Variants in GRHL2 observed in about 807,000 individuals in gnomAD.
The protein encoded by GRHL2 is grainyhead-like protein 2 homolog.
A neutral mutation model predicts 83.8 loss-of-function variants in GRHL2; 21 were observed. The observed-to-expected ratio is 0.25, with a 90% CI of 0.18 to 0.36. The LOEUF is 0.36. Ranked by LOEUF, GRHL2 falls within the 10% of genes least tolerant of loss-of-function variation. GRHL2 has a pLI of 1.00. For synonymous variants in GRHL2, 280 were observed against 278.9 expected, an observed-to-expected ratio of 1.00 and a Z score of -0.04; for missense variants, 623 against 781.8, an observed-to-expected ratio of 0.80 and a Z score of 2.42.
intron 13 of GRHL2, among the ~76,000 whole-genome samples, chr8:101,648,924 T>C (rs935451723): frequency 6.6e-6 from 1 of 152,154 alleles, no homozygotes; most frequent in Non-Finnish European, 1.5e-5. Context: ...TCCATAACCC[T>C]GTGTCTAGTT....
intron 1 of GRHL2, among the ~76,000 whole-genome samples, chr8:101,508,850 AG>A (rs1271410888): frequency 6.6e-6 from 1 of 152,198 alleles, no homozygotes; most frequent in Non-Finnish European, 1.5e-5. Flanking sequence ...TGAGACAGTT[AG>A]GTCAAGGTTT....
At chr8:101,579,140 C>T (rs1194436824) in intron 7 of GRHL2, among the ~76,000 whole-genome samples, 1 of 152,178 alleles carries the variant, frequency 6.6e-6, no homozygotes, top group African/African-American at 2.4e-5. Flanking sequence ...GGATACTTGC[C>T]TTAACCTGTT....
intron 11 of GRHL2, among the ~76,000 whole-genome samples, chr8:101,636,454 G>A (rs545438371): frequency 4.9e-4 from 75 of 152,186 alleles, no homozygotes; most frequent in African/African-American, 1.8e-3. Context: ...CCCGCATTTG[G>A]TCCACAGACA....
rs1030318268 is a variant in GRHL2, at chr8:101,508,979, A to G, written c.20+16190A>G. Among the ~76,000 whole-genome samples, 3 of 152,126 alleles carry G rather than the reference A, an allele frequency of 2.0e-5. No individual in the cohort carries two copies. The East Asian group carries it at 5.8e-4, about 29-fold the overall frequency. On this transcript the variant is annotated intron_variant, in intron 1 of 15. Transcript: ENST00000646743. The stretch of plus-strand genomic sequence containing the variant: ...AGGCAGGTCCAGAATGAGGCAAGAC[A>G]GTGTGAGTCTTCAAATTTTGTACTT...
At position 101,573,806 on chromosome 8, in the gene GRHL2, C is replaced by T. The variant is rs771529678; in HGVS notation, c.873C>T (p.His291=). The T allele has an allele frequency of 1.2e-6, 2 of 1,614,178 alleles. No homozygotes were observed. The highest frequency in any genetic ancestry group is 8.5e-7 in the Non-Finnish European group (1 of 1,180,044). Residue 291 remains histidine (H), a synonymous_variant, in exon 6 of 16, where the codon CAC becomes CAT. Coordinates refer to ENST00000646743, the MANE Select transcript of GRHL2 (RefSeq NM_024915.4). ...SETGDNKCFR[H]PISKVRSVVM... ...CCGGAGACAACAAATGCTTCCGACA[C>T]CCCATCAGCAAAGTCAGGGTAGGGG... is the stretch of plus-strand genomic sequence containing the variant.
intron 12 of GRHL2, among the ~76,000 whole-genome samples, chr8:101,638,977 G>C (rs139563720): frequency 1.6e-3 from 249 of 152,312 alleles, no homozygotes; most frequent in African/African-American, 5.7e-3. Context: ...TGAGCATCTT[G>C]CGTAAGATCT....
the GRHL2 span, among the ~76,000 whole-genome samples, chr8:101,680,121 A>T: frequency 5.0e-5 from 6 of 119,138 alleles, no homozygotes; most frequent in Admixed American, 1.8e-4. Flanking sequence ...ATTAAAAGAC[A>T]CAGACTGGCA....
intron 9 of GRHL2, among the ~76,000 whole-genome samples, chr8:101,629,353 T>TAA (rs1341449889): frequency 9.2e-5 from 14 of 152,050 alleles, no homozygotes; most frequent in Non-Finnish European, 1.9e-4. Context: ...GTATGTACAT[T>TAA]TTTTAGACAT....
intron 1 of GRHL2, among the ~76,000 whole-genome samples, chr8:101,509,150 C>T (rs879854607): frequency 0.019 from 1,281 of 67,858 alleles, 82 homozygotes; most frequent in African/African-American, 0.025. Flanking sequence ...TCCTTCCTTC[C>T]TTCCTTCCTT....
chr8:101,631,830 C>A, intron 10 of GRHL2, 106 bp downstream of exon 10: 1 of 900,780 alleles, frequency 1.1e-6, no homozygotes, highest in East Asian at 2.5e-5. Context: ...TGCATACATG[C>A]AAGGCATGGT....
chr8:101,670,831 C>CTGAT (rs1554599380), downstream of GRHL2, among the ~76,000 whole-genome samples: 2 of 152,238 alleles, frequency 1.3e-5, no homozygotes, highest in Non-Finnish European at 2.9e-5. Flanking sequence ...ACTCTCTACA[C>CTGAT]TGATTCAGTT....
At position 101,558,399 on chromosome 8, in the gene GRHL2, CG is replaced by C. The variant is rs727504472; in HGVS notation, c.285-14del. 12,689 of 1,613,572 alleles carry C rather than the reference CG, an allele frequency of 7.9e-3. 73 individuals carry two copies. Among genetic ancestry groups the C allele is most frequent in the Non-Finnish European group, 9.6e-3 (11,336 of 1,179,770 alleles). On this transcript the variant is annotated intron_variant, in intron 3 of 15. Coordinates refer to ENST00000646743, the MANE Select transcript of GRHL2 (RefSeq NM_024915.4). ...TGATTTTTCTAATTCTATCATGTTG[CG>C]GGGGGTTTCAACACACAGAAACTGC...
intron 6 of GRHL2, among the ~76,000 whole-genome samples, chr8:101,574,901 T>C (rs1280997211): frequency 6.6e-6 from 1 of 152,248 alleles, no homozygotes; most frequent in African/African-American, 2.4e-5. Flanking sequence ...ACAACAATCC[T>C]ATGAAAAAGG....
At chr8:101,524,339 C>T (rs1810757101) in intron 1 of GRHL2, among the ~76,000 whole-genome samples, 1 of 152,082 alleles carries the variant, frequency 6.6e-6, no homozygotes, top group African/African-American at 2.4e-5. Context: ...GTCTTTACTT[C>T]GTTAATTTGT....
At chr8:101,619,500 T>C (rs1271097294) in intron 8 of GRHL2, 39 bp from the exon 9 acceptor site, 1 of 1,601,368 alleles carries the variant, frequency 6.2e-7, no homozygotes. Flanking sequence ...ACATTCTTTT[T>C]ATGTTGACTT....
chr8:101,539,990 G>C (rs1198448848), intron 1 of GRHL2, among the ~76,000 whole-genome samples: 1 of 152,138 alleles, frequency 6.6e-6, no homozygotes, highest in African/African-American at 2.4e-5. Flanking sequence ...TTAACAACCA[G>C]CACAATGTCT....
At chr8:101,604,709 T>A (rs1053524701) in intron 8 of GRHL2, among the ~76,000 whole-genome samples, 3 of 152,218 alleles carry the variant, frequency 2.0e-5, no homozygotes, top group Non-Finnish European at 4.4e-5. Context: ...AAGCTTTTTT[T>A]AAATTGCTCT....
chr8:101,520,657 A>G (rs1431023255), intron 1 of GRHL2, among the ~76,000 whole-genome samples: 1 of 152,168 alleles, frequency 6.6e-6, no homozygotes, highest in African/African-American at 2.4e-5. Context: ...AAGACCTCAC[A>G]TGAGTACCCT....
chr8:101,574,214 T>C lies in GRHL2; in HGVS notation c.891+390T>C, dbSNP rs1240297977. Among the ~76,000 whole-genome samples, 5 of 152,358 alleles carry C rather than the reference T, an allele frequency of 3.3e-5. No homozygotes were observed. The East Asian group carries it at 9.6e-4, about 29-fold the overall frequency. On this transcript the variant is annotated intron_variant, in intron 6 of 15. Transcript: ENST00000646743. ...TCTATTCTGTAAAGGAAAATGCAGT[T>C]CACTCTGAATCCCTGGGCCTGGTGG...
Sources: gnomAD v4.1 joint callset for allele counts (sites outside exome capture counted in the v4.1 genomes callset) on GRCh38, gnomAD v4.1.1 for gene constraint, MANE v1.5 for transcripts, NCBI Gene and HGNC (gene_info 2026-07-23, HGNC 2026-07-21) for gene names.